Variants in RINL observed in about 807,000 individuals in gnomAD.
RINL encodes Ras and Rab interactor like, also known as ras and Rab interactor-like protein.
In RINL, 39 loss-of-function variants were observed where a neutral mutation model predicts 58.1. That is an observed-to-expected ratio of 0.67 (90% confidence interval 0.52 to 0.88). The LOEUF (loss-of-function observed/expected upper bound fraction) is 0.88. Among genes scored for constraint, RINL ranks in the 40% least tolerant of loss-of-function variants. The probability of loss-of-function intolerance (pLI) is 0.00; values close to 1 mark genes in which losing one functional copy is unlikely to be tolerated. For missense variants in RINL, 711 were observed against 749.2 expected, an observed-to-expected ratio of 0.95 and a Z score of 0.60; for synonymous variants, 286 against 323.1, an observed-to-expected ratio of 0.89 and a Z score of 1.23.
At position 38,876,347 on chromosome 19, in the gene RINL, CCCA is replaced by C. The variant is rs1383269385; in HGVS notation, c.191_193del (p.Val64del). 1.3e-6 allele frequency: 2 copies of C among 1,536,074 alleles called. No homozygotes were observed. The highest frequency in any genetic ancestry group is 1.7e-6 in the Non-Finnish European group (2 of 1,146,864). On this transcript the variant is annotated inframe_deletion, in exon 3 of 12. Transcript: ENST00000591812. The stretch of plus-strand genomic sequence containing the variant: ...AGTACTCACCCCTAGTGGCCACAGC[CCCA>C]CAAGGGCCTCCGCATCCTGGGTATC...
chr19:38,869,140 C>T lies in RINL; in HGVS notation c.1665G>A (p.Trp555Ter), dbSNP rs1340545763. Residue 555 changes from tryptophan (W) to a stop codon, truncating the protein, a stop_gained, in exon 12 of 12, where the codon TGG (tryptophan) becomes TGA (stop). Coordinates refer to ENST00000591812, the MANE Select transcript of RINL (RefSeq NM_001195833.2). LOFTEE classifies it low-confidence loss of function (END_TRUNC). This position sits in a 1 kb window ranked among gnomAD's most constrained non-coding sequence, Gnocchi z 5.7. ...AQANLPFKEP[W>*]AEETVTGTSD... ...TGGTCCCTGTCACAGTCTCTTCTGC[C>T]CATGGCTCCTTAAAGGGCAGGTTGG... is the stretch of plus-strand genomic sequence containing the variant. The T allele has an allele frequency of 1.9e-6, 3 of 1,613,424 alleles. No homozygotes were observed. Among genetic ancestry groups the T allele is most frequent in the South Asian group, 1.1e-5 (1 of 91,022 alleles).
chr19:38,876,516 CAG>C (rs1378583339), intron 2 of RINL, 26 bp from the exon 3 acceptor site: 5 of 1,534,938 alleles, frequency 3.3e-6, no homozygotes, highest in Non-Finnish European at 4.4e-6. Flanking sequence ...TCCAGGGAGT[CAG>C]GGGTCAGAGG....
Position 38,876,459 on chromosome 19 carries a change from T to C in RINL, c.82A>G (p.Arg28Gly). 6.5e-7 allele frequency: 1 copy of C among 1,536,044 alleles called. No individual in the cohort carries two copies. The highest frequency in any genetic ancestry group is 1.2e-5 in the South Asian group (1 of 84,062). ...LVPPQVNKAD[R>G]TPLGVLSTLE... Reference sequence around the variant, plus strand: ...GTGCTGAGGACCCCTAGAGGGGTCCTGTCTGCTTTGTTCACCTGTGGTGGG... The same window carrying C: ...GTGCTGAGGACCCCTAGAGGGGTCCCGTCTGCTTTGTTCACCTGTGGTGGG... Residue 28 changes from arginine (R) to glycine (G), a missense_variant, in exon 3 of 12, where the codon AGG becomes GGG. Coordinates refer to ENST00000591812, the MANE Select transcript of RINL (RefSeq NM_001195833.2).
Position 38,869,505 on chromosome 19 carries a change from G to T in RINL, c.1474+68C>A. On this transcript the variant is annotated intron_variant, in intron 10 of 11. Coordinates refer to ENST00000591812, the MANE Select transcript of RINL (RefSeq NM_001195833.2). The surrounding 1 kb of genome is among the most constrained non-coding windows in gnomAD (Gnocchi z 5.7). ...TGCCTGCCGTCCCTCCTGCTGCGGG[G>T]GGAGGCTGTTTGGGATCCCGGAGGT... 1 of 1,596,652 alleles carries T rather than the reference G, an allele frequency of 6.3e-7. No individual in the cohort carries two copies. Among genetic ancestry groups the T allele is most frequent in the South Asian group, 1.1e-5 (1 of 89,852 alleles).
chr19:38,870,512 G>T lies in RINL; in HGVS notation c.1024+58C>A. 6.7e-7 allele frequency: 1 copy of T among 1,491,802 alleles called. No individual in the cohort carries two copies. The highest frequency in any genetic ancestry group is 1.4e-5 in the South Asian group (1 of 72,468). The allele number at this position is 1,491,802 out of a possible 1,614,324, so 92.4% of individuals were successfully genotyped here. On this transcript the variant is annotated intron_variant, in intron 8 of 11. Transcript: ENST00000591812. This position sits in a 1 kb window ranked among gnomAD's most constrained non-coding sequence, Gnocchi z 5.8. ...AGAAGGAAACGTGTGCGCACCGATG[G>T]AGAGGACGAAGTTGCACACTTGAAC...
intron 4 of RINL, among the ~76,000 whole-genome samples, chr19:38,872,251 C>T (rs186846102): frequency 1.3e-5 from 2 of 152,056 alleles, no homozygotes; most frequent in South Asian, 2.1e-4. Context: ...TTTGGGAAGC[C>T]GAGGTGGGTG....
chr19:38,873,536 G>GTTTT (rs1972856161), intron 4 of RINL: 1 of 176,798 alleles, frequency 5.7e-6, no homozygotes, highest in Non-Finnish European at 1.2e-5. Context: ...TTTTTGTTTT[G>GTTTT]TTTTGTTTTG....
rs759634039 is a variant in RINL, at chr19:38,869,212, C to T, written c.1638+35G>A. On this transcript the variant is annotated intron_variant, in intron 11 of 11. Coordinates refer to ENST00000591812, the MANE Select transcript of RINL (RefSeq NM_001195833.2). This position sits in a 1 kb window ranked among gnomAD's most constrained non-coding sequence, Gnocchi z 5.7. ...TGGGTCAGAAGGGCACCAGGTCTCA[C>T]CCTCCCTTCTACTTGCAGCCAGATG... 1.9e-6 allele frequency: 3 copies of T among 1,614,002 alleles called. No individual in the cohort carries two copies. In the East Asian group the frequency reaches 6.7e-5, roughly 36 times the overall value.
Position 38,869,464 on chromosome 19 carries a change from A to G in RINL, c.1475-54T>C, listed in dbSNP as rs752217088. 6.3e-6 allele frequency: 10 copies of G among 1,577,960 alleles called. No individual in the cohort carries two copies. The highest frequency in any genetic ancestry group is 8.6e-6 in the Non-Finnish European group (10 of 1,159,320). ...CCCTCTCGGCTTCCCTGGTCGCCCCAAATCCCCCTGCAGTTTGCCTGCCGT... is the reference window on the plus strand; with the variant it reads ...CCCTCTCGGCTTCCCTGGTCGCCCCGAATCCCCCTGCAGTTTGCCTGCCGT... On this transcript the variant is annotated intron_variant, in intron 10 of 11. Transcript: ENST00000591812. The surrounding 1 kb of genome is among the most constrained non-coding windows in gnomAD (Gnocchi z 5.7).
At position 38,869,842 on chromosome 19, in the gene RINL, T is replaced by G. The variant is rs998256694; in HGVS notation, c.1342+101A>C. On this transcript the variant is annotated intron_variant, in intron 9 of 11. Transcript: ENST00000591812. The surrounding 1 kb of genome is among the most constrained non-coding windows in gnomAD (Gnocchi z 5.7). ...CATGACAGCGCCTCCTACCAGAATC[T>G]TCAGGACCGCATAGATTCCTCCCAC... The G allele has an allele frequency of 1.3e-6, 2 of 1,528,844 alleles. No homozygotes were observed. The highest frequency in any genetic ancestry group is 2.8e-5 in the African/African-American group (2 of 72,660). The allele number at this position is 1,528,844 out of a possible 1,614,324, so 94.7% of individuals were successfully genotyped here.
intron 4 of RINL, among the ~76,000 whole-genome samples, chr19:38,872,814 C>T (rs1481535404): frequency 6.6e-6 from 1 of 152,112 alleles, no homozygotes; most frequent in Non-Finnish European, 1.5e-5. Flanking sequence ...ACCACCATGA[C>T]ACCTGTATAC....
chr19:38,874,100 T>G (rs1972869427), intron 3 of RINL, 112 bp from the exon 4 acceptor site: 4 of 660,518 alleles, frequency 6.1e-6, no homozygotes, highest in Non-Finnish European at 1.1e-5. Flanking sequence ...CAAATTTCCT[T>G]TAGGGAAACC....
In RINL at chr19:38,870,072, CG is replaced by C; in HGVS notation, c.1212del (p.Ala405ProfsTer55). On this transcript the variant is annotated frameshift_variant, in exon 9 of 12. Transcript: ENST00000591812. LOFTEE classifies it high-confidence loss of function. The surrounding 1 kb of genome is among the most constrained non-coding windows in gnomAD (Gnocchi z 5.8). ...GPGPEGQSPA[P>X]ALRSRIHERL... ...CGCTCGTGGATGCGGCTCCGCAAGG[CG>C]GGGGCGGGGCTCTGCCCTTCCGGTC... 1.3e-6 allele frequency: 2 copies of C among 1,521,216 alleles called. No homozygotes were observed. Among genetic ancestry groups the C allele is most frequent in the East Asian group, 2.6e-5 (1 of 38,210 alleles). 94.2% of individuals were successfully genotyped at this position (1,521,216 alleles called of 1,614,324 possible).
At position 38,871,684 on chromosome 19, in the gene RINL, C is replaced by A. The variant is rs1262275125; in HGVS notation, c.414G>T (p.Leu138Phe). The A allele has an allele frequency of 1.4e-5, 22 of 1,614,044 alleles. No homozygotes were observed. The East Asian group carries it at 4.9e-4, about 36-fold the overall frequency. Residue 138 changes from leucine (L) to phenylalanine (F), a missense_variant, in exon 6 of 12, where the codon TTG (leucine) becomes TTT (phenylalanine). Leu to Phe is a conservative substitution (Grantham distance 22). Transcript: ENST00000591812. Reference sequence around the variant, plus strand: ...CTCTGGGCCCTAGAGTGGGAGGGGGCAAGAGCAGGGTTCTGGGCAGAACAT... The same window carrying A: ...CTCTGGGCCCTAGAGTGGGAGGGGGAAAGAGCAGGGTTCTGGGCAGAACAT... ...SRDVLPRTLLLPPPTLGPRDE... is the reference protein window; with the variant it reads ...SRDVLPRTLLFPPPTLGPRDE...
Position 38,869,620 on chromosome 19 carries a change from A to G in RINL, c.1427T>C (p.Val476Ala). ...ATCTAAGAGCTCCATAAGAAACTCT[A>G]CGTCCAGCTGCGTGTCCCCAATGTC... ...SPDIGDTQLD[V>A]EFLMELLDPD... The change falls in exon 10 of 12, where the codon GTA becomes GCA. Residue 476 changes from valine to alanine, a missense_variant. Coordinates refer to ENST00000591812, the MANE Select transcript of RINL (RefSeq NM_001195833.2). The surrounding 1 kb of genome is among the most constrained non-coding windows in gnomAD (Gnocchi z 5.7). The G allele has an allele frequency of 6.2e-7, 1 of 1,613,922 alleles. No homozygotes were observed. Among genetic ancestry groups the G allele is most frequent in the Non-Finnish European group, 8.5e-7 (1 of 1,180,004 alleles).
At chr19:38,871,735 A>G in intron 5 of RINL, 24 bp from the exon 6 acceptor site, 1 of 1,614,088 alleles carries the variant, frequency 6.2e-7, no homozygotes, top group South Asian at 1.1e-5. Flanking sequence ...GGTGGGAGCC[A>G]CAGTGTCAGT....
rs1248539378 is a variant in RINL at position 38,870,031 on chromosome 19, G to T, written c.1254C>A (p.His418Gln). 14 of 1,563,892 alleles carry T rather than the reference G, an allele frequency of 9.0e-6. No individual in the cohort carries two copies. Among genetic ancestry groups the T allele is most frequent in the Non-Finnish European group, 1.1e-5 (13 of 1,158,500 alleles). The change falls in exon 9 of 12, where the codon CAC becomes CAA. Residue 418 changes from histidine (H) to glutamine (Q), a missense_variant. Transcript: ENST00000591812. This position sits in a 1 kb window ranked among gnomAD's most constrained non-coding sequence, Gnocchi z 5.8. ...CCTTGCGGCGCGGGGCGCAGGCAGC[G>T]TGGAGGTGCGCAAGGCGCTCGTGGA... ...SRIHERLAHLHAACAPRRKVA... is the reference protein window; with the variant it reads ...SRIHERLAHLQAACAPRRKVA...
rs369544384 is a variant in RINL, at chr19:38,869,558, G to T, written c.1474+15C>A. The T allele has an allele frequency of 1.2e-6, 2 of 1,613,088 alleles. No homozygotes were observed. Among genetic ancestry groups the T allele is most frequent in the African/African-American group, 2.7e-5 (2 of 74,874 alleles). On this transcript the variant is annotated intron_variant, in intron 10 of 11. Coordinates refer to ENST00000591812, the MANE Select transcript of RINL (RefSeq NM_001195833.2). This position sits in a 1 kb window ranked among gnomAD's most constrained non-coding sequence, Gnocchi z 5.7. ...TGGATCGCTGGGCTCCAGCATTCTG[G>T]AGTTGGGGGCTCACCCTCTCCCCGC...
Position 38,870,920 on chromosome 19 carries a change from C to G in RINL, c.674G>C (p.Gly225Ala). The G allele has an allele frequency of 6.2e-7, 1 of 1,605,156 alleles. No homozygotes were observed. Among genetic ancestry groups the G allele is most frequent in the Non-Finnish European group, 8.5e-7 (1 of 1,179,892 alleles). ...TTCCAGTAGGCTGGCGAGAGCCGGC[C>G]CAGGATGGTCCACTTCCGGGCTGAG... is the stretch of plus-strand genomic sequence containing the variant. Reference protein sequence around the residue: ...GPLSPEVDHPGPALASLLEEE... With the variant: ...GPLSPEVDHPAPALASLLEEE... The change falls in exon 8 of 12, where the codon GGG becomes GCG. Residue 225 changes from glycine (G) to alanine (A), a missense_variant. Physicochemically the swap from Gly to Ala is moderately conservative, Grantham distance 60. Transcript: ENST00000591812. The surrounding 1 kb of genome is among the most constrained non-coding windows in gnomAD (Gnocchi z 5.8).
Sources: gnomAD v4.1 joint callset for allele counts (sites outside exome capture counted in the v4.1 genomes callset) on GRCh38, gnomAD v4.1.1 for gene constraint, Gnocchi (gnomAD v3.1) non-coding constraint, MANE v1.5 for transcripts, NCBI Gene and HGNC (gene_info 2026-07-23, HGNC 2026-07-21) for gene names.